NUCB2: variants seen among roughly 807,000 people sequenced by gnomAD.
NUCB2 encodes nucleobindin 2, also known as nucleobindin-2.
Under a neutral mutation model 57.9 loss-of-function variants are expected in NUCB2, and 48 were observed. The observed-to-expected ratio is 0.83, with a 90% CI of 0.66 to 1.05. The LOEUF is 1.05. Ranked by LOEUF, NUCB2 falls within the 50% of genes least tolerant of loss-of-function variation. The probability of loss-of-function intolerance (pLI) is 0.00; values close to 1 mark genes in which losing one functional copy is unlikely to be tolerated. For synonymous variants in NUCB2, 139 were observed against 152.1 expected (o/e 0.91, Z 0.64); for missense variants, 442 against 476.2 (o/e 0.93, Z 0.67).
At position 17,310,925 on chromosome 11, in the gene NUCB2, T is replaced by C; in HGVS notation, c.584T>C (p.Leu195Ser). ...GAAAGGAGAGAATATTTAAAAACAT[T>C]GAATGAAGAAAAGAGAAAAGAAGAA... ...EHERREYLKTLNEEKRKEEES... is the reference protein window; with the variant it reads ...EHERREYLKTSNEEKRKEEES... Residue 195 changes from leucine (L) to serine (S), a missense_variant, in exon 7 of 14, where the codon TTG becomes TCG. Transcript: ENST00000529010. The C allele has an allele frequency of 6.3e-7, 1 of 1,591,844 alleles. No homozygotes were observed. Among genetic ancestry groups the C allele is most frequent in the Non-Finnish European group, 8.5e-7 (1 of 1,172,206 alleles).
chr11:17,317,548 G>A (rs528430325), intron 11 of NUCB2: 8 of 422,182 alleles, frequency 1.9e-5, no homozygotes, highest in Middle Eastern at 6.9e-4. Flanking sequence ...GAAAATCCAA[G>A]ATGATACATT....
chr11:17,344,380 T>G (rs1407441060), intron 2 of NUCB2, among the ~76,000 whole-genome samples: 1 of 152,214 alleles, frequency 6.6e-6, no homozygotes, highest in Admixed American at 6.5e-5. Flanking sequence ...GTAGCCTAGT[T>G]TATTACTTCT....
chr11:17,323,991 AT>A (rs1175205516), intron 11 of NUCB2, among the ~76,000 whole-genome samples: 2 of 151,998 alleles, frequency 1.3e-5, no homozygotes, highest in Non-Finnish European at 2.9e-5. Flanking sequence ...AGGTTTGTCA[AT>A]TTTGTTTAAC....
chr11:17,328,894 T>G (rs889116565), intron 11 of NUCB2, among the ~76,000 whole-genome samples: 1 of 152,070 alleles, frequency 6.6e-6, no homozygotes, highest in South Asian at 2.1e-4. Flanking sequence ...CCACTACAGC[T>G]GGGAATGTGC....
intron 5 of NUCB2, among the ~76,000 whole-genome samples, chr11:17,302,551 A>G (rs1358497971): frequency 6.6e-6 from 1 of 151,970 alleles, no homozygotes; most frequent in Non-Finnish European, 1.5e-5. Flanking sequence ...GATCCAGACC[A>G]TTTCTTTTCT....
chr11:17,302,410 A>T (rs569583813), intron 5 of NUCB2, among the ~76,000 whole-genome samples: 7 of 152,314 alleles, frequency 4.6e-5, no homozygotes, highest in Non-Finnish European at 7.4e-5. Flanking sequence ...TCAATTAAAC[A>T]ACTGGTTTAA....
chr11:17,291,560 A>AAAAAAAAAAAAAAAAAAAAAG (rs1944948046), intron 2 of NUCB2, among the ~76,000 whole-genome samples: 1 of 150,112 alleles, frequency 6.7e-6, no homozygotes, highest in Non-Finnish European at 1.5e-5. Context: ...AAAAAAAAAA[A>AAAAAAAAAAAAAAAAAAAAAG]TCAGTCTTTT....
chr11:17,300,589 G>T (rs1010168267), intron 4 of NUCB2, among the ~76,000 whole-genome samples: 4 of 152,170 alleles, frequency 2.6e-5, no homozygotes, highest in Non-Finnish European at 4.4e-5. Flanking sequence ...TCATGTTGCA[G>T]CATGTGTCAG....
chr11:17,344,635 C>A (rs1362769833), intron 2 of NUCB2, among the ~76,000 whole-genome samples: 1 of 152,176 alleles, frequency 6.6e-6, no homozygotes, highest in East Asian at 1.9e-4. Context: ...TTCTTCCCTT[C>A]CCTCACAATC....
intron 2 of NUCB2, among the ~76,000 whole-genome samples, chr11:17,337,913 G>A (rs1305450878): frequency 3.3e-5 from 5 of 152,180 alleles, no homozygotes; most frequent in Non-Finnish European, 5.9e-5. Context: ...GGGATCACAA[G>A]CATGAGCCAC....
chr11:17,301,775 TAA>T lies in NUCB2; in HGVS notation c.285_286del (p.His97ProfsTer7). On this transcript the variant is annotated frameshift_variant, in exon 5 of 14. Coordinates refer to ENST00000529010, the MANE Select transcript of NUCB2 (RefSeq NM_005013.4). LOFTEE classifies it high-confidence loss of function. ...AGGCTAAGCAAAGAACTGGATTTAG[TAA>T]GTCACCATGTGAGGACAAAACTTGA... is the stretch of plus-strand genomic sequence containing the variant. 1 of 1,609,618 alleles carries T rather than the reference TAA, an allele frequency of 6.2e-7. No homozygotes were observed. The highest frequency in any genetic ancestry group is 8.5e-7 in the Non-Finnish European group (1 of 1,175,940).
At chr11:17,293,775 G>A (rs1688395014) in intron 2 of NUCB2, among the ~76,000 whole-genome samples, 1 of 152,208 alleles carries the variant, frequency 6.6e-6, no homozygotes, top group Non-Finnish European at 1.5e-5. Context: ...ACTGCTAAGT[G>A]ATAAAAGGCA....
chr11:17,323,982 G>A (rs767840111), intron 11 of NUCB2, among the ~76,000 whole-genome samples: 4 of 151,920 alleles, frequency 2.6e-5, no homozygotes, highest in Non-Finnish European at 5.9e-5. Flanking sequence ...TATGGCTAAA[G>A]GTTTGTCAAT....
At chr11:17,331,019 TA>T in intron 13 of NUCB2, 36 bp downstream of exon 13, 1 of 1,249,060 alleles carries the variant, frequency 8.0e-7, no homozygotes, top group South Asian at 1.3e-5. Context: ...TTTAGGAAAA[TA>T]AATTATTTTA....
chr11:17,344,942 G>A (rs1362991359), intron 2 of NUCB2, among the ~76,000 whole-genome samples: 1 of 152,226 alleles, frequency 6.6e-6, no homozygotes, highest in Non-Finnish European at 1.5e-5. Flanking sequence ...CCCTTTCAGG[G>A]ACAGTGAAAG....
intron 6 of NUCB2, among the ~76,000 whole-genome samples, chr11:17,310,048 C>T (rs1326026649): frequency 6.6e-6 from 1 of 152,114 alleles, no homozygotes; most frequent in Non-Finnish European, 1.5e-5. Flanking sequence ...GTACCATATT[C>T]CCTTTCTTTA....
chr11:17,291,979 T>G (rs993161750), intron 2 of NUCB2, among the ~76,000 whole-genome samples: 3 of 152,192 alleles, frequency 2.0e-5, no homozygotes, highest in African/African-American at 7.2e-5. Flanking sequence ...GTCATATAAC[T>G]TAATCATTTT....
At chr11:17,343,773 A>G (rs1952486745) in intron 2 of NUCB2, among the ~76,000 whole-genome samples, 1 of 152,184 alleles carries the variant, frequency 6.6e-6, no homozygotes, top group South Asian at 2.1e-4. Context: ...TAAAATCCCT[A>G]TCAACTTTGT....
At chr11:17,279,535 A>G (rs770096487) in intron 1 of NUCB2, among the ~76,000 whole-genome samples, 1 of 152,194 alleles carries the variant, frequency 6.6e-6, no homozygotes. Context: ...GTTTTTTGCT[A>G]TACATACATA....
Sources: gnomAD v4.1 joint callset for allele counts (sites outside exome capture counted in the v4.1 genomes callset) on GRCh38, gnomAD v4.1.1 for gene constraint, MANE v1.5 for transcripts, NCBI Gene and HGNC (gene_info 2026-07-23, HGNC 2026-07-21) for gene names.